The following GTF3C1 variants were observed in gnomAD, a reference collection of about 807,000 sequenced individuals.
The protein encoded by GTF3C1 is general transcription factor 3C polypeptide 1.
A neutral mutation model predicts 226.7 loss-of-function variants in GTF3C1; 57 were observed. The observed-to-expected ratio is 0.25, with a 90% CI of 0.20 to 0.31. GTF3C1 has a LOEUF of 0.31. Among genes scored for constraint, GTF3C1 ranks in the 10% least tolerant of loss-of-function variants. GTF3C1 has a pLI of 1.00. For missense variants in GTF3C1, 2,217 were observed against 2,776.1 expected (o/e 0.80, Z 4.53); for synonymous variants, 1,090 against 1,084.8 (o/e 1.00, Z -0.09).
intron 2 of GTF3C1, among the ~76,000 whole-genome samples, chr16:27,541,084 AC>A (rs1226286908): frequency 2.0e-5 from 3 of 151,604 alleles, no homozygotes; most frequent in African/African-American, 4.8e-5. Flanking sequence ...CAAGTGATCC[AC>A]CCCCCTCGGC....
At chr16:27,477,476 G>T (rs2087968328) in intron 28 of GTF3C1, among the ~76,000 whole-genome samples, 1 of 152,084 alleles carries the variant, frequency 6.6e-6, no homozygotes, top group Non-Finnish European at 1.5e-5. Flanking sequence ...GCTAATTTTT[G>T]TATTTTTAAG....
At chr16:27,547,326 CT>C (rs1331413357) in intron 1 of GTF3C1, among the ~76,000 whole-genome samples, 1 of 152,310 alleles carries the variant, frequency 6.6e-6, no homozygotes, top group Admixed American at 6.5e-5. Context: ...CCTGCTTTCA[CT>C]CCCACGAAGC....
In GTF3C1 at chr16:27,461,769, C is replaced by T. The variant is rs954013375; in HGVS notation, c.6118-207G>A. 10 of 590,132 alleles carry T rather than the reference C, an allele frequency of 1.7e-5. No homozygotes were observed. Among genetic ancestry groups the T allele is most frequent in the Non-Finnish European group, 2.4e-5 (8 of 330,258 alleles). The allele number at this position is 590,132 out of a possible 1,614,324, so 36.6% of individuals were successfully genotyped here. The stretch of plus-strand genomic sequence containing the variant: ...GGGAGAGGCAGCTGCCTGAGCAGCA[C>T]GTGTACAGCGCTGGCTGGAGCCACC... On this transcript the variant is annotated intron_variant, in intron 36 of 36. Coordinates refer to ENST00000356183, the MANE Select transcript of GTF3C1 (RefSeq NM_001520.4). This position sits in a 1 kb window ranked among gnomAD's most constrained non-coding sequence, Gnocchi z 5.3.
At chr16:27,535,434 G>GT in intron 4 of GTF3C1, among the ~76,000 whole-genome samples, 1 of 152,206 alleles carries the variant, frequency 6.6e-6, no homozygotes, top group South Asian at 2.1e-4. Context: ...AATTAGCCAG[G>GT]TGTGGTGGCA....
chr16:27,536,474 G>A (rs940325201), intron 4 of GTF3C1, among the ~76,000 whole-genome samples: 1 of 152,206 alleles, frequency 6.6e-6, no homozygotes, highest in Non-Finnish European at 1.5e-5. Context: ...GCAGGTGCCT[G>A]TAGTCCCAGC....
At chr16:27,499,527 T>C (rs903283550) in intron 12 of GTF3C1, among the ~76,000 whole-genome samples, 8 of 152,182 alleles carry the variant, frequency 5.3e-5, no homozygotes, top group African/African-American at 1.9e-4. Context: ...AGCTTCATGC[T>C]GAACATGGGC....
At chr16:27,545,576 G>A (rs1053123625) in intron 1 of GTF3C1, 53 bp from the exon 2 acceptor site, 24 of 1,017,372 alleles carry the variant, frequency 2.4e-5, no homozygotes, top group Non-Finnish European at 3.6e-5. Flanking sequence ...GATATAATGT[G>A]TGCTTGGCTG....
intron 27 of GTF3C1, among the ~76,000 whole-genome samples, chr16:27,480,405 C>G (rs756851003): frequency 2.6e-5 from 4 of 152,120 alleles, no homozygotes; most frequent in Non-Finnish European, 5.9e-5. Context: ...ACAAACTGCT[C>G]TTTAGGCATG....
At chr16:27,546,472 GTT>G (rs1159694912) in intron 1 of GTF3C1, among the ~76,000 whole-genome samples, 5 of 83,566 alleles carry the variant, frequency 6.0e-5, no homozygotes, top group Admixed American at 2.7e-4. Flanking sequence ...AGCTTGTCAA[GTT>G]TTTTTTTTTT....
chr16:27,542,529 C>G (rs1042776803), intron 2 of GTF3C1, among the ~76,000 whole-genome samples: 1 of 151,506 alleles, frequency 6.6e-6, no homozygotes, highest in Non-Finnish European at 1.5e-5. Context: ...CCATTGGACT[C>G]CAGCCTGGGC....
At chr16:27,548,302 C>G (rs1301656343) in intron 1 of GTF3C1, among the ~76,000 whole-genome samples, 1 of 152,188 alleles carries the variant, frequency 6.6e-6, no homozygotes, top group Admixed American at 6.5e-5. Flanking sequence ...GAGTCTCACT[C>G]TGTCACCCAG....
rs377341431 is a variant in GTF3C1, at chr16:27,511,778, C to T, written c.1097G>A (p.Arg366Gln). Residue 366 changes from arginine (R) to glutamine (Q), a missense_variant, in exon 7 of 37, where the codon CGG (arginine) becomes CAG (glutamine). This residue lies in a region of GTF3C1 where 163 missense variants were observed against 234.3 expected (regional missense o/e 0.70). Coordinates refer to ENST00000356183, the MANE Select transcript of GTF3C1 (RefSeq NM_001520.4). ...GTCGTAGGTCTGTGTGAGCATATCC[C>T]GCTCGAACACAATGTCCACTGGAGG... ...TVPPVDIVFE[R>Q]DMLTQTYDLI... 125 of 1,614,040 alleles carry T rather than the reference C, an allele frequency of 7.7e-5. No individual in the cohort carries two copies. Among genetic ancestry groups the T allele is most frequent in the Middle Eastern group, 1.6e-4 (1 of 6,084 alleles).
chr16:27,513,196 T>C (rs1389346435), intron 6 of GTF3C1, among the ~76,000 whole-genome samples: 1 of 152,214 alleles, frequency 6.6e-6, no homozygotes, highest in East Asian at 1.9e-4. Flanking sequence ...CTCACATCTG[T>C]AATCTCAGCA....
chr16:27,544,693 T>C (rs1307171208), intron 2 of GTF3C1, among the ~76,000 whole-genome samples: 3 of 150,998 alleles, frequency 2.0e-5, no homozygotes, highest in Non-Finnish European at 4.4e-5. Context: ...TTAGACACTC[T>C]GGGGAATTGG....
At chr16:27,464,858 G>C (rs755178488) in intron 33 of GTF3C1, 22 bp from the exon 34 acceptor site, 2 of 1,489,016 alleles carry the variant, frequency 1.3e-6, no homozygotes, top group Non-Finnish European at 1.8e-6. Flanking sequence ...GGAGACACGC[G>C]GGGTCTGTGG....
Position 27,461,385 on chromosome 16 carries a change from G to T in GTF3C1, c.6295C>A (p.His2099Asn), listed in dbSNP as rs200376969. 267 of 1,613,072 alleles carry T rather than the reference G, an allele frequency of 1.7e-4. No individual in the cohort carries two copies. The highest frequency in any genetic ancestry group is 3.4e-5 in the Non-Finnish European group (40 of 1,179,298). ...ATCCACTTGTTCCAGTTGACCTCGTGGGGGAACACACGGCCCAGCCGGAGG... is the reference window on the plus strand; with the variant it reads ...ATCCACTTGTTCCAGTTGACCTCGTTGGGGAACACACGGCCCAGCCGGAGG... The part of the protein sequence containing the change: ...CTLRLGRVFP[H>N]EVNWNKWIHL Residue 2099 changes from histidine to asparagine, a missense_variant, in exon 37 of 37, where the codon CAC becomes AAC. His to Asn is a moderately conservative substitution (Grantham distance 68). Around this residue, in one of 12 missense-constraint regions of GTF3C1, gnomAD observed 153 missense variants for 199.8 expected, o/e 0.77. Coordinates refer to ENST00000356183, the MANE Select transcript of GTF3C1 (RefSeq NM_001520.4). The surrounding 1 kb of genome is among the most constrained non-coding windows in gnomAD (Gnocchi z 5.3).
In GTF3C1 at chr16:27,484,277, G is replaced by A; in HGVS notation, c.3935C>T (p.Thr1312Ile). ...AGCTCTTCGTCCAACGGAATGAGATGTTTTATCCAAAGACTCTTCAAACGT... is the reference window on the plus strand; with the variant it reads ...AGCTCTTCGTCCAACGGAATGAGATATTTTATCCAAAGACTCTTCAAACGT... The part of the protein sequence containing the change: ...HATFEESLDK[T>I]SHSVGRRARY... Residue 1312 changes from threonine to isoleucine, a missense_variant, in exon 25 of 37, where the codon ACA becomes ATA. Thr to Ile is a moderately conservative substitution (Grantham distance 89, BLOSUM62 -1). Transcript: ENST00000356183. 3 of 1,606,474 alleles carry A rather than the reference G, an allele frequency of 1.9e-6. No individual in the cohort carries two copies. The highest frequency in any genetic ancestry group is 2.6e-6 in the Non-Finnish European group (3 of 1,173,040).
chr16:27,516,449 G>A (rs974875657), intron 6 of GTF3C1, among the ~76,000 whole-genome samples: 7 of 152,240 alleles, frequency 4.6e-5, no homozygotes, highest in African/African-American at 1.7e-4. Context: ...TTTTGGCCAT[G>A]GGATCTGCGG....
chr16:27,513,537 C>T (rs2088609542), intron 6 of GTF3C1, among the ~76,000 whole-genome samples: 1 of 152,186 alleles, frequency 6.6e-6, no homozygotes, highest in South Asian at 2.1e-4. Context: ...AGATGCTACA[C>T]TGTTAGATCT....
Sources: gnomAD v4.1 joint callset for allele counts (sites outside exome capture counted in the v4.1 genomes callset) on GRCh38, gnomAD v4.1.1 for gene constraint, gnomAD v4.1.1 regional missense constraint, Gnocchi (gnomAD v3.1) non-coding constraint, MANE v1.5 for transcripts, NCBI Gene and HGNC (gene_info 2026-07-23, HGNC 2026-07-21) for gene names.